The following TRPC7 variants were observed in gnomAD, a reference collection of about 807,000 sequenced individuals.
TRPC7 encodes the protein short transient receptor potential channel 7.
TRPC7 carries 42 observed loss-of-function variants against 90.1 expected under a neutral mutation model. The observed-to-expected ratio is 0.47, with a 90% confidence interval of 0.36 to 0.60. The LOEUF is 0.60. TRPC7 is among the 20% of genes least tolerant of loss of function. The pLI is 0.00. For missense variants in TRPC7, 955 were observed against 1,112.3 expected (o/e 0.86, Z 2.01); for synonymous variants, 451 against 436.3 (o/e 1.03, Z -0.42).
chr5:136,341,978 G>A (rs538800957), intron 2 of TRPC7, among the ~76,000 whole-genome samples: 1 of 152,134 alleles, frequency 6.6e-6, no homozygotes, highest in Non-Finnish European at 1.5e-5. Flanking sequence ...TTTAATTCCA[G>A]CTCCCTCTTG....
chr5:136,279,515 G>A (rs777138013), intron 3 of TRPC7, among the ~76,000 whole-genome samples: 2 of 152,130 alleles, frequency 1.3e-5, no homozygotes, highest in Non-Finnish European at 2.9e-5. Context: ...AGAGCTCAGA[G>A]GGTGCTGATG....
At chr5:136,213,634 C>T in intron 11 of TRPC7, 30 bp from the exon 12 acceptor site, 1 of 1,612,002 alleles carries the variant, frequency 6.2e-7, no homozygotes, top group Non-Finnish European at 8.5e-7. Flanking sequence ...TTTGCTGAGT[C>T]TGAGTAGGTG....
intron 4 of TRPC7, among the ~76,000 whole-genome samples, chr5:136,267,875 C>T (rs1002144151): frequency 6.6e-6 from 1 of 152,126 alleles, no homozygotes; most frequent in African/African-American, 2.4e-5. Context: ...AGATGTTTAT[C>T]TGACAATAGG....
intron 4 of TRPC7, among the ~76,000 whole-genome samples, chr5:136,273,506 A>G (rs1165688991): frequency 6.6e-6 from 1 of 152,000 alleles, no homozygotes; most frequent in Non-Finnish European, 1.5e-5. Flanking sequence ...TGGGGACTTG[A>G]CCTCTCTCTG....
intron 2 of TRPC7, among the ~76,000 whole-genome samples, chr5:136,351,346 G>A (rs1357442020): frequency 6.6e-6 from 1 of 152,156 alleles, no homozygotes; most frequent in East Asian, 1.9e-4. Flanking sequence ...AATAGAAAAG[G>A]AAACAATTTT....
chr5:136,234,309 T>C (rs558133368), intron 7 of TRPC7, among the ~76,000 whole-genome samples: 1 of 151,508 alleles, frequency 6.6e-6, no homozygotes, highest in African/African-American at 2.4e-5. Context: ...ACATTTCTTT[T>C]CTTTTTTTTT....
At chr5:136,334,832 G>A (rs1759601464) in intron 2 of TRPC7, among the ~76,000 whole-genome samples, 1 of 152,202 alleles carries the variant, frequency 6.6e-6, no homozygotes. Flanking sequence ...GTGCTAGCAT[G>A]TGGCTACCAG....
At position 136,340,686 on chromosome 5, in the gene TRPC7, G is replaced by A. The variant is rs573793826; in HGVS notation, c.780+15922C>T. Among the ~76,000 whole-genome samples the A allele has an allele frequency of 1.3e-3, 192 of 151,918 alleles. 4 individuals are homozygous for A. The highest frequency in any genetic ancestry group is 4.1e-3 in the African/African-American group (172 of 41,456). ...AGCATAAAATTTGAATAAATTTTCC[G>A]TTCAGAAAAGAATACCATAAAGGAG... is the stretch of plus-strand genomic sequence containing the variant. On this transcript the variant is annotated intron_variant, in intron 2 of 11. Coordinates refer to ENST00000513104, the MANE Select transcript of TRPC7 (RefSeq NM_020389.3).
In TRPC7 at chr5:136,215,073, G is replaced by T. The variant is rs141884303; in HGVS notation, c.2419+1127C>A. 5.0e-3 allele frequency among the ~76,000 whole-genome samples: 757 copies of T among 152,222 alleles called. 8 individuals are homozygous for T. Among genetic ancestry groups the T allele is most frequent in the African/African-American group, 0.017 (713 of 41,536 alleles). ...CAGAGATGCTGATTCATTAGGTCTG[G>T]GTGGGGTCTGGGATCTGTAGTTTTA... On this transcript the variant is annotated intron_variant, in intron 11 of 11. Coordinates refer to ENST00000513104, the MANE Select transcript of TRPC7 (RefSeq NM_020389.3).
intron 3 of TRPC7, among the ~76,000 whole-genome samples, chr5:136,289,546 C>G (rs1478606713): frequency 6.6e-6 from 1 of 152,220 alleles, no homozygotes; most frequent in East Asian, 1.9e-4. Flanking sequence ...TTGCTCATTG[C>G]TAGCACAGCA....
intron 5 of TRPC7, among the ~76,000 whole-genome samples, chr5:136,258,325 G>A (rs187067302): frequency 2.2e-4 from 33 of 152,334 alleles, no homozygotes; most frequent in South Asian, 1.5e-3. Flanking sequence ...GTGAAATTAA[G>A]TATTTTAGTG....
chr5:136,237,980 GTCTGGTTCCT>G (rs544582038), intron 7 of TRPC7, among the ~76,000 whole-genome samples: 543 of 152,292 alleles, frequency 3.6e-3, no homozygotes, highest in African/African-American at 0.01. Flanking sequence ...GCCCTGGGTA[GTCTGGTTCCT>G]CCCGCCTCCT....
chr5:136,289,627 G>T (rs1444859982), intron 3 of TRPC7, among the ~76,000 whole-genome samples: 5 of 152,248 alleles, frequency 3.3e-5, no homozygotes, highest in Admixed American at 1.3e-4. Context: ...GGCTTGAGCA[G>T]GTAAACAAAG....
intron 6 of TRPC7, among the ~76,000 whole-genome samples, chr5:136,249,754 T>C (rs115184714): frequency 6.6e-6 from 1 of 152,208 alleles, no homozygotes; most frequent in African/African-American, 2.4e-5. Context: ...GTTTTCTCCT[T>C]AGAGCTATTT....
At chr5:136,221,026 A>C (rs972741961) in intron 10 of TRPC7, among the ~76,000 whole-genome samples, 3 of 151,956 alleles carry the variant, frequency 2.0e-5, no homozygotes, top group African/African-American at 4.9e-5. Context: ...ATAGATATAG[A>C]TATAGAAAAT....
At chr5:136,323,989 C>A (rs1759273646) in intron 2 of TRPC7, among the ~76,000 whole-genome samples, 1 of 152,000 alleles carries the variant, frequency 6.6e-6, no homozygotes, top group South Asian at 2.1e-4. Flanking sequence ...TGATTTATTT[C>A]ATTCATGTTT....
chr5:136,226,247 T>C lies in TRPC7; in HGVS notation c.2049A>G (p.Ala683=). The C allele has an allele frequency of 6.4e-7, 1 of 1,551,120 alleles. No individual in the cohort carries two copies. Among genetic ancestry groups the C allele is most frequent in the Non-Finnish European group, 8.7e-7 (1 of 1,146,518 alleles). Residue 683 remains alanine, a synonymous_variant, in exon 9 of 12, where the codon GCA becomes GCG. Transcript: ENST00000513104. ...NNSYQEIEED[A]DVEWKFARAK... is the part of the protein sequence containing the mutation. ...CTCGGGCGAACTTCCATTCCACATC[T>C]GCATCCTCCTGTGGAACAAGGGAAA...
At chr5:136,268,873 G>A (rs1757118686) in intron 4 of TRPC7, among the ~76,000 whole-genome samples, 1 of 152,112 alleles carries the variant, frequency 6.6e-6, no homozygotes, top group Non-Finnish European at 1.5e-5. Flanking sequence ...GTAAAACTTT[G>A]ATAAAGGTCA....
At chr5:136,333,510 G>A (rs10055814) in intron 2 of TRPC7, among the ~76,000 whole-genome samples, 3,321 of 152,286 alleles carry the variant, frequency 0.022, 130 homozygotes, top group African/African-American at 0.076. Flanking sequence ...TGAGGGCCAC[G>A]AAAACCTTTT....
Sources: gnomAD v4.1 joint callset for allele counts (sites outside exome capture counted in the v4.1 genomes callset) on GRCh38, gnomAD v4.1.1 for gene constraint, MANE v1.5 for transcripts, NCBI Gene and HGNC (gene_info 2026-07-23, HGNC 2026-07-21) for gene names.